Variants in IQCM observed in about 807,000 individuals in gnomAD.
The protein encoded by IQCM is IQ domain-containing protein M.
A neutral mutation model predicts 57.6 loss-of-function variants in IQCM; 45 were observed. That is an observed-to-expected ratio of 0.78 (90% CI 0.62 to 1.00). The LOEUF is 1.00. IQCM is among the 50% of genes least tolerant of loss of function. The pLI is 0.00. For missense variants in IQCM, 468 were observed against 511.6 expected (o/e 0.91, Z 0.82); for synonymous variants, 148 against 158.9 (o/e 0.93, Z 0.51).
intron 13 of IQCM, among the ~76,000 whole-genome samples, chr4:149,391,340 G>GC (rs978308287): frequency 2.6e-5 from 4 of 151,722 alleles, no homozygotes; most frequent in African/African-American, 9.7e-5. Flanking sequence ...AATAACAATA[G>GC]CCCCCCTTTT....
chr4:149,635,895 G>A (rs1303662171), intron 7 of IQCM, among the ~76,000 whole-genome samples: 1 of 152,030 alleles, frequency 6.6e-6, no homozygotes, highest in Non-Finnish European at 1.5e-5. Context: ...ATTATTTCTA[G>A]TAATAGAGGA....
At chr4:149,564,900 C>G (rs548894901) in intron 9 of IQCM, among the ~76,000 whole-genome samples, 1 of 152,094 alleles carries the variant, frequency 6.6e-6, no homozygotes, top group Non-Finnish European at 1.5e-5. Flanking sequence ...TTTGAGAAAA[C>G]TGAAGATTTA....
chr4:149,659,922 C>G (rs1022293383), intron 7 of IQCM, among the ~76,000 whole-genome samples: 2 of 151,824 alleles, frequency 1.3e-5, no homozygotes, highest in Admixed American at 1.3e-4. Flanking sequence ...TAGGCATGGG[C>G]AGGGACTTCA....
chr4:149,699,149 G>T (rs1580048198), intron 5 of IQCM, among the ~76,000 whole-genome samples: 1 of 152,008 alleles, frequency 6.6e-6, no homozygotes, highest in Non-Finnish European at 1.5e-5. Context: ...TAAACTTTTA[G>T]TAATAGCACA....
At position 149,672,455 on chromosome 4, in the gene IQCM, A is replaced by G. The variant is rs574651505; in HGVS notation, c.565+9663T>C. 5.9e-5 allele frequency among the ~76,000 whole-genome samples: 9 copies of G among 152,336 alleles called. No individual in the cohort carries two copies. In the South Asian group the frequency reaches 1.5e-3, roughly 25 times the overall value. The stretch of plus-strand genomic sequence containing the variant: ...AAATGACTTAATGGAGCTGAAAACT[A>G]TGGCACAAGAACTACGTGACGCATG... On this transcript the variant is annotated intron_variant, in intron 7 of 13. Coordinates refer to ENST00000636793, the MANE Select transcript of IQCM (RefSeq NM_001363507.2).
At chr4:149,768,466 A>T (rs1770264036) in intron 2 of IQCM, among the ~76,000 whole-genome samples, 1 of 152,170 alleles carries the variant, frequency 6.6e-6, no homozygotes, top group Non-Finnish European at 1.5e-5. Context: ...AAAATTAAGT[A>T]GAGACATTAT....
At chr4:149,730,690 A>G (rs1766379175) in intron 5 of IQCM, among the ~76,000 whole-genome samples, 1 of 152,192 alleles carries the variant, frequency 6.6e-6, no homozygotes, top group South Asian at 2.1e-4. Flanking sequence ...ATTTCCTGAG[A>G]ATCTATTCCT....
intron 10 of IQCM, among the ~76,000 whole-genome samples, chr4:149,558,682 G>A (rs1749819963): frequency 6.6e-6 from 1 of 152,154 alleles, no homozygotes; most frequent in African/African-American, 2.4e-5. Context: ...AGACCTGAAT[G>A]AAGTAAAGGA....
intron 7 of IQCM, among the ~76,000 whole-genome samples, chr4:149,637,907 G>A (rs2150108830): frequency 6.6e-6 from 1 of 152,068 alleles, no homozygotes; most frequent in East Asian, 1.9e-4. Context: ...CACAACCCTG[G>A]AACAGACAAA....
intron 12 of IQCM, among the ~76,000 whole-genome samples, chr4:149,524,096 AAT>A (rs1372912046): frequency 6.6e-6 from 1 of 152,128 alleles, no homozygotes; most frequent in Non-Finnish European, 1.5e-5. Context: ...TTTAAAATGT[AAT>A]ACTGTTATAT....
intron 13 of IQCM, among the ~76,000 whole-genome samples, 164 bp downstream of exon 13, chr4:149,433,232 T>C (rs189728446): frequency 2.6e-5 from 4 of 152,120 alleles, no homozygotes; most frequent in East Asian, 1.9e-4. Flanking sequence ...AAGCATAAAA[T>C]AGCCCCTTTT....
At chr4:149,636,314 G>A (rs777936399) in intron 7 of IQCM, among the ~76,000 whole-genome samples, 5 of 152,306 alleles carry the variant, frequency 3.3e-5, no homozygotes, top group Admixed American at 1.3e-4. Flanking sequence ...GGCCAATTGT[G>A]ACCCAATTTG....
intron 12 of IQCM, among the ~76,000 whole-genome samples, chr4:149,472,980 G>T (rs1739752248): frequency 6.6e-6 from 1 of 152,124 alleles, no homozygotes; most frequent in African/African-American, 2.4e-5. Context: ...ATTCAAGATG[G>T]ATTAAAGACT....
intron 12 of IQCM, among the ~76,000 whole-genome samples, chr4:149,449,171 C>A (rs1406859489): frequency 1.6e-5 from 2 of 123,576 alleles, no homozygotes; most frequent in South Asian, 3.2e-4. Flanking sequence ...ACCAACTGTT[C>A]CCCCCCAACC....
At chr4:149,480,575 T>C (rs1363346251) in intron 12 of IQCM, among the ~76,000 whole-genome samples, 1 of 152,232 alleles carries the variant, frequency 6.6e-6, no homozygotes, top group African/African-American at 2.4e-5. Context: ...TCCGTGTTAT[T>C]GCAAATGACA....
At chr4:149,476,298 G>T (rs1182422005) in intron 12 of IQCM, among the ~76,000 whole-genome samples, 1 of 152,148 alleles carries the variant, frequency 6.6e-6, no homozygotes, top group Non-Finnish European at 1.5e-5. Flanking sequence ...TTGTCTTCTG[G>T]CAGAAAACGA....
At chr4:149,781,031 T>C (rs1771556761) in intron 2 of IQCM, among the ~76,000 whole-genome samples, 1 of 152,148 alleles carries the variant, frequency 6.6e-6, no homozygotes, top group Non-Finnish European at 1.5e-5. Context: ...GAGTTATTTA[T>C]ATAGATATAA....
chr4:149,772,534 T>A (rs919944075), intron 2 of IQCM, among the ~76,000 whole-genome samples: 1 of 149,046 alleles, frequency 6.7e-6, no homozygotes. Context: ...ATGTGTCACT[T>A]TATAAACAAA....
intron 12 of IQCM, among the ~76,000 whole-genome samples, chr4:149,461,347 C>G (rs1265915939): frequency 6.6e-6 from 1 of 151,454 alleles, no homozygotes; most frequent in Non-Finnish European, 1.5e-5. Flanking sequence ...ACCACTTTTA[C>G]AAGGTTATGA....
Sources: gnomAD v4.1 joint callset for allele counts (sites outside exome capture counted in the v4.1 genomes callset) on GRCh38, gnomAD v4.1.1 for gene constraint, MANE v1.5 for transcripts, NCBI Gene and HGNC (gene_info 2026-07-23, HGNC 2026-07-21) for gene names.